Variants in PRMT1 observed in about 807,000 individuals in gnomAD.
PRMT1 encodes the protein protein arginine N-methyltransferase 1.
In PRMT1, 5 loss-of-function variants were observed where a neutral mutation model predicts 47.4. The observed-to-expected ratio is 0.11, with a 90% confidence interval of 0.06 to 0.22. The LOEUF is 0.22. Ranked by LOEUF, PRMT1 falls within the 10% of genes least tolerant of loss-of-function variation. The pLI is 1.00. For missense variants in PRMT1, 249 were observed against 518.4 expected (o/e 0.48, Z 5.05); for synonymous variants, 227 against 204.6 (o/e 1.11, Z -0.94).
In PRMT1 at chr19:49,680,236, A is replaced by C. The variant is rs902721183; in HGVS notation, c.91-251A>C. Reference sequence around the variant, plus strand: ...AGACGGGGTCAGAGAGACTGGAGAGATGGTAGGCGTGGCTGAGGTATCGGG... The same window carrying C: ...AGACGGGGTCAGAGAGACTGGAGAGCTGGTAGGCGTGGCTGAGGTATCGGG... On this transcript the variant is annotated intron_variant, in intron 2 of 10. Coordinates refer to ENST00000454376, the MANE Select transcript of PRMT1 (RefSeq NM_001536.6). This position sits in a 1 kb window ranked among gnomAD's most constrained non-coding sequence, Gnocchi z 4.2. 1.3e-5 allele frequency: 21 copies of C among 1,583,972 alleles called. No individual in the cohort carries two copies. The highest frequency in any genetic ancestry group is 1.7e-5 in the Non-Finnish European group (20 of 1,159,074).
At chr19:49,682,122 C>G (rs773171975) in intron 4 of PRMT1, 57 bp downstream of exon 4, 11 of 1,613,178 alleles carry the variant, frequency 6.8e-6, no homozygotes, top group South Asian at 1.1e-5. Flanking sequence ...GGGAGCCCAT[C>G]AGGGCTCAGG....
rs1024147281 is a variant in PRMT1 at position 49,684,242 on chromosome 19, T to C, written c.555+173T>C. The stretch of plus-strand genomic sequence containing the variant: ...CAGACCCTGGAGGGAGATGGTGCGA[T>C]GTGGGGGAGGTCGTAGGAACAGGAA... On this transcript the variant is annotated intron_variant, in intron 6 of 10. Transcript: ENST00000454376. This position sits in a 1 kb window ranked among gnomAD's most constrained non-coding sequence, Gnocchi z 6.2. Among the ~76,000 whole-genome samples the C allele has an allele frequency of 6.6e-6, 1 of 151,596 alleles. No individual in the cohort carries two copies. Among genetic ancestry groups the C allele is most frequent in the Non-Finnish European group, 1.5e-5 (1 of 67,910 alleles).
chr19:49,683,622 AG>A (rs1240059235), intron 5 of PRMT1: 1 of 229,598 alleles, frequency 4.4e-6, no homozygotes, highest in Non-Finnish European at 8.4e-6. Flanking sequence ...CGGGAGGCGG[AG>A]GTTGCAGTGA....
At chr19:49,683,365 T>G (rs2082149910) in intron 5 of PRMT1, among the ~76,000 whole-genome samples, 1 of 152,000 alleles carries the variant, frequency 6.6e-6, no homozygotes, top group East Asian at 1.9e-4. Context: ...GATCATGCTG[T>G]TACTTATTAT....
At chr19:49,686,787 G>T in intron 10 of PRMT1, 61 bp downstream of exon 10, 2 of 834,212 alleles carry the variant, frequency 2.4e-6, no homozygotes, top group Non-Finnish European at 3.4e-6. Flanking sequence ...TAGATTGGGG[G>T]GGGAGTGGTG....
In PRMT1 at chr19:49,685,813, G is replaced by A. The variant is rs376017420; in HGVS notation, c.760-280G>A. 9 of 1,247,342 alleles carry A rather than the reference G, an allele frequency of 7.2e-6. No individual in the cohort carries two copies. The highest frequency in any genetic ancestry group is 6.1e-5 in the African/African-American group (4 of 65,386). 77.3% of individuals were successfully genotyped at this position (1,247,342 alleles called of 1,614,324 possible). A position where few individuals can be genotyped will look rare whatever the true frequency, so the allele number is the denominator to read the frequency against. On this transcript the variant is annotated intron_variant, in intron 8 of 10. Coordinates refer to ENST00000454376, the MANE Select transcript of PRMT1 (RefSeq NM_001536.6). The surrounding 1 kb of genome is among the most constrained non-coding windows in gnomAD (Gnocchi z 4.7). ...GGTTGGGGAGACAGTGGAGTGGGGC[G>A]CCTGCATTCTAGGAGGTCTGGACAG...
rs754577983 is a variant in PRMT1 at position 49,680,294 on chromosome 19, T to C, written c.91-193T>C. The C allele has an allele frequency of 3.5e-6, 5 of 1,421,766 alleles. No homozygotes were observed. The highest frequency in any genetic ancestry group is 2.3e-5 in the South Asian group (2 of 85,800). The allele number at this position is 1,421,766 out of a possible 1,614,324, so 88.1% of individuals were successfully genotyped here. ...CCTGGATGGTGCTCTGGGGGGGTCC[T>C]GGAAGTGGAAAATGGGGTTGTTAGG... On this transcript the variant is annotated intron_variant, in intron 2 of 10. Coordinates refer to ENST00000454376, the MANE Select transcript of PRMT1 (RefSeq NM_001536.6). This position sits in a 1 kb window ranked among gnomAD's most constrained non-coding sequence, Gnocchi z 4.2.
chr19:49,687,885 T>C, intron 10 of PRMT1: 1 of 557,026 alleles, frequency 1.8e-6, no homozygotes, highest in South Asian at 2.2e-5. Context: ...AATCACTGCA[T>C]TGCTGATGGG....
At chr19:49,677,339 TG>T in intron 1 of PRMT1, 23 bp downstream of exon 1, 1 of 1,388,136 alleles carries the variant, frequency 7.2e-7, no homozygotes, top group Non-Finnish European at 9.4e-7. Context: ...AGCGCCGCCG[TG>T]GGCGGGAGGC....
At position 49,677,308 on chromosome 19, in the gene PRMT1, A is replaced by G; in HGVS notation, c.28A>G (p.Ile10Val). The G allele has an allele frequency of 7.1e-7, 1 of 1,402,490 alleles. No individual in the cohort carries two copies. The highest frequency in any genetic ancestry group is 9.3e-7 in the Non-Finnish European group (1 of 1,073,624). 86.9% of individuals were successfully genotyped at this position (1,402,490 alleles called of 1,614,324 possible). A position where few individuals can be genotyped will look rare whatever the true frequency, so the allele number is the denominator to read the frequency against. MAAAEAANC[I>V]MENFVATLAN... ...GGCGGCAGCCGAGGCCGCGAACTGC[A>G]TCATGGAGGTGAGCGCTTGGAGCGC... Residue 10 changes from isoleucine to valine, a missense_variant, in exon 1 of 11, where the codon ATC becomes GTC. Ile to Val is a conservative substitution (Grantham distance 29, BLOSUM62 3). Around this residue, in one of 2 missense-constraint regions of PRMT1, gnomAD observed 59 missense variants for 61.7 expected, o/e 0.96. Transcript: ENST00000454376.
Position 49,685,882 on chromosome 19 carries a change from G to A in PRMT1, c.760-211G>A, listed in dbSNP as rs2082197293. On this transcript the variant is annotated intron_variant, in intron 8 of 10. Coordinates refer to ENST00000454376, the MANE Select transcript of PRMT1 (RefSeq NM_001536.6). This position sits in a 1 kb window ranked among gnomAD's most constrained non-coding sequence, Gnocchi z 4.7. ...AGGTTTGGGTGTTGGAGAGGAGGGA[G>A]CAAGGAATCTGGGCTCGAACCCACA... is the stretch of plus-strand genomic sequence containing the variant. 2.1e-6 allele frequency: 3 copies of A among 1,399,238 alleles called. No homozygotes were observed. The highest frequency in any genetic ancestry group is 2.8e-6 in the Non-Finnish European group (3 of 1,078,694). The allele number at this position is 1,399,238 out of a possible 1,614,324, so 86.7% of individuals were successfully genotyped here.
chr19:49,686,022 C>A, intron 8 of PRMT1, 71 bp from the exon 9 acceptor site: 2 of 1,559,564 alleles, frequency 1.3e-6, no homozygotes, highest in South Asian at 2.4e-5. Flanking sequence ...CCTCTGGGAG[C>A]TTAAGGGAGG....
At position 49,680,579 on chromosome 19, in the gene PRMT1, C is replaced by T; in HGVS notation, c.183C>T (p.Gly61=). Residue 61 remains glycine, a synonymous_variant, in exon 3 of 11, where the codon GGC becomes GGT. Transcript: ENST00000454376. The surrounding 1 kb of genome is among the most constrained non-coding windows in gnomAD (Gnocchi z 4.2). ...ACTTTGACTCCTACGCACACTTTGG[C>T]ATCCACGAGGTCAGTGGGGACAGTC... ...DYYFDSYAHF[G]IHEEMLKDEV... 1 of 1,612,014 alleles carries T rather than the reference C, an allele frequency of 6.2e-7. No homozygotes were observed. The highest frequency in any genetic ancestry group is 8.5e-7 in the Non-Finnish European group (1 of 1,178,150).
Position 49,685,604 on chromosome 19 carries a change from G to T in PRMT1, c.760-489G>T. On this transcript the variant is annotated intron_variant, in intron 8 of 10. Transcript: ENST00000454376. The surrounding 1 kb of genome is among the most constrained non-coding windows in gnomAD (Gnocchi z 4.7). ...AGCTGGGATGTGTGAGCCGGGTGAA[G>T]CTGGGTGGCTGACCGGGGGATCCTG... The T allele has an allele frequency of 6.9e-6, 7 of 1,017,346 alleles. No individual in the cohort carries two copies. The highest frequency in any genetic ancestry group is 8.2e-6 in the Non-Finnish European group (7 of 849,488). 63.0% of individuals were successfully genotyped at this position (1,017,346 alleles called of 1,614,324 possible).
chr19:49,677,241 G>C (rs751363392), upstream of PRMT1: 10 of 1,414,850 alleles, frequency 7.1e-6, no homozygotes, highest in Admixed American at 2.8e-5. Context: ...GGAGAAAGGG[G>C]GGGTCTTGGC....
chr19:49,677,265 G>T, upstream of PRMT1: 1 of 1,422,056 alleles, frequency 7.0e-7, no homozygotes. Context: ...CGGAGGAGGA[G>T]TAGGTGCGGG....
Position 49,684,106 on chromosome 19 carries a change from C to G in PRMT1, c.555+37C>G. 6.2e-7 allele frequency: 1 copy of G among 1,611,444 alleles called. No homozygotes were observed. The highest frequency in any genetic ancestry group is 8.5e-7 in the Non-Finnish European group (1 of 1,178,158). On this transcript the variant is annotated intron_variant, in intron 6 of 10. Transcript: ENST00000454376. The surrounding 1 kb of genome is among the most constrained non-coding windows in gnomAD (Gnocchi z 6.2). ...GCGGGACGGGTGCAGCTCGCGTGGG[C>G]TGGGGTCCAGGTAGAAGACGAAAAC...
rs1268291641 is a variant in PRMT1 at position 49,685,281 on chromosome 19, G to A, written c.759+244G>A. On this transcript the variant is annotated intron_variant, in intron 8 of 10. Transcript: ENST00000454376. The surrounding 1 kb of genome is among the most constrained non-coding windows in gnomAD (Gnocchi z 4.7). ...CTGGCGGAGGAAACACCCAAAGCTG[G>A]CAGCTAAAGCCCACAGCCCATGCAC... The A allele has an allele frequency of 1.4e-6, 2 of 1,435,818 alleles. No homozygotes were observed. The highest frequency in any genetic ancestry group is 5.3e-5 in the East Asian group (2 of 37,732). 88.9% of individuals were successfully genotyped at this position (1,435,818 alleles called of 1,614,324 possible).
In PRMT1 at chr19:49,684,801, G is replaced by A. The variant is rs200335628; in HGVS notation, c.603G>A (p.Thr201=). The A allele has an allele frequency of 6.9e-5, 110 of 1,588,766 alleles. No homozygotes were observed. Among genetic ancestry groups the A allele is most frequent in the East Asian group, 5.5e-4 (24 of 43,482 alleles). ...IFPDRATLYV[T]AIEDRQYKDY... ...CAGACCGGGCCACGCTGTATGTGAC[G>A]GCCATCGAGGACCGGCAGTACAAAG... Residue 201 remains threonine (T), a synonymous_variant, in exon 7 of 11, where the codon ACG becomes ACA. Coordinates refer to ENST00000454376, the MANE Select transcript of PRMT1 (RefSeq NM_001536.6). The surrounding 1 kb of genome is among the most constrained non-coding windows in gnomAD (Gnocchi z 6.2).
Sources: allele counts gnomAD v4.1 joint callset (sites outside exome capture counted in the v4.1 genomes callset), GRCh38; gene constraint gnomAD v4.1.1; regional missense constraint gnomAD v4.1.1; non-coding constraint Gnocchi (gnomAD v3.1); transcripts MANE v1.5; gene names NCBI Gene and HGNC (gene_info 2026-07-23, HGNC 2026-07-21).